Variants in CLPB observed in about 807,000 individuals in gnomAD.
CLPB encodes the protein ClpB family mitochondrial disaggregase.
In CLPB, 40 loss-of-function variants were observed where a neutral mutation model predicts 78.4. The observed-to-expected ratio is 0.51, with a 90% CI of 0.40 to 0.66. CLPB has a LOEUF of 0.66. Among genes scored for constraint, CLPB ranks in the 30% least tolerant of loss-of-function variants. The pLI, the probability that CLPB is intolerant of heterozygous loss-of-function variation, is 0.00. For synonymous variants in CLPB, 333 were observed against 348.0 expected (o/e 0.96, Z 0.48); for missense variants, 780 against 886.9 (o/e 0.88, Z 1.53).
At chr11:72,323,781 T>C (rs937216933) in intron 6 of CLPB, among the ~76,000 whole-genome samples, 1 of 152,126 alleles carries the variant, frequency 6.6e-6, no homozygotes, top group African/African-American at 2.4e-5. Flanking sequence ...ACTTGTGAGA[T>C]AGGAATAACA....
chr11:72,434,117 C>A lies in CLPB; in HGVS notation c.358G>T (p.Ala120Ser), dbSNP rs1278109918. 1.2e-6 allele frequency: 2 copies of A among 1,611,880 alleles called. No homozygotes were observed. Among genetic ancestry groups the A allele is most frequent in the Admixed American group, 1.7e-5 (1 of 60,022 alleles). The change falls in exon 1 of 16, where the codon GCA becomes TCA. Residue 120 changes from alanine to serine, a missense_variant. Coordinates refer to ENST00000538039, the MANE Select transcript of CLPB (RefSeq NM_001258392.3). ...RAGLGMCALA[A>S]ALVVHCYSKS... ...CTGTAGCAATGAACCACCAGCGCTGCGGCCAGGGCGCACATGCCCAGTCCG... is the reference window on the plus strand; with the variant it reads ...CTGTAGCAATGAACCACCAGCGCTGAGGCCAGGGCGCACATGCCCAGTCCG...
At chr11:72,298,825 G>A (rs1225971399) in intron 11 of CLPB, among the ~76,000 whole-genome samples, 1 of 152,166 alleles carries the variant, frequency 6.6e-6, no homozygotes, top group Admixed American at 6.5e-5. Flanking sequence ...TCTCTGGCGA[G>A]TCTGTCTTGA....
At chr11:72,427,338 G>A (rs75595830) in intron 2 of CLPB, among the ~76,000 whole-genome samples, 15,302 of 152,132 alleles carry the variant, frequency 0.1, 1,337 homozygotes, top group African/African-American at 0.23. Context: ...GGTAAAGCAC[G>A]ACATTATTTA....
chr11:72,304,023 G>T (rs1304311861), intron 9 of CLPB: 2 of 152,216 alleles, frequency 1.3e-5, no homozygotes, highest in African/African-American at 2.4e-5. Context: ...TGAGCTTTGT[G>T]TCCAGATGCC....
chr11:72,378,104 T>C (rs1246061742), intron 4 of CLPB, among the ~76,000 whole-genome samples: 1 of 152,162 alleles, frequency 6.6e-6, no homozygotes, highest in African/African-American at 2.4e-5. Context: ...CAGCAGAAGT[T>C]GGACTAGATG....
At chr11:72,345,060 C>T (rs1397258555) in intron 5 of CLPB, among the ~76,000 whole-genome samples, 1 of 152,170 alleles carries the variant, frequency 6.6e-6, no homozygotes, top group Non-Finnish European at 1.5e-5. Context: ...AGGAAACAGA[C>T]CCTCTCATAC....
intron 2 of CLPB, among the ~76,000 whole-genome samples, chr11:72,419,965 T>C (rs1856143961): frequency 6.6e-6 from 1 of 152,248 alleles, no homozygotes. Flanking sequence ...GAATAAACGA[T>C]TGAACTACTT....
At chr11:72,425,490 G>C (rs541337227) in intron 2 of CLPB, among the ~76,000 whole-genome samples, 15 of 152,228 alleles carry the variant, frequency 9.9e-5, no homozygotes, top group Admixed American at 2.6e-4. Flanking sequence ...CTCAATGTTT[G>C]ACTCATGTCC....
At chr11:72,387,522 C>T (rs1210840000) in intron 3 of CLPB, among the ~76,000 whole-genome samples, 1 of 151,648 alleles carries the variant, frequency 6.6e-6, no homozygotes, top group African/African-American at 2.4e-5. Flanking sequence ...CAAATCAAAG[C>T]TCTATCATTT....
intron 3 of CLPB, among the ~76,000 whole-genome samples, chr11:72,397,295 T>C (rs1386611412): frequency 2.0e-5 from 3 of 152,232 alleles, no homozygotes. Context: ...TTGCATTATA[T>C]CCAGTTTTTG....
intron 5 of CLPB, among the ~76,000 whole-genome samples, chr11:72,357,455 G>C (rs1466057005): frequency 1.3e-5 from 2 of 152,116 alleles, no homozygotes; most frequent in African/African-American, 4.8e-5. Context: ...CCAGCACTTA[G>C]GGAGGCTGAG....
chr11:72,408,532 T>C lies in CLPB; in HGVS notation c.456-5480A>G, dbSNP rs547997232. ...AATACAAAAAATTAGCCGGGTGTGGTGGCACACACCTGTAATCCCAGCTAC... is the reference window on the plus strand; with the variant it reads ...AATACAAAAAATTAGCCGGGTGTGGCGGCACACACCTGTAATCCCAGCTAC... On this transcript the variant is annotated intron_variant, in intron 2 of 15. Transcript: ENST00000538039. Among the ~76,000 whole-genome samples, 10 of 151,620 alleles carry C rather than the reference T, an allele frequency of 6.6e-5. No homozygotes were observed. In the South Asian group the frequency reaches 2.1e-3, roughly 32 times the overall value.
chr11:72,354,633 T>A, intron 5 of CLPB: 1 of 323,810 alleles, frequency 3.1e-6, no homozygotes, highest in Non-Finnish European at 5.6e-6. Context: ...TGCATTCAAG[T>A]GCTGAAGCAG....
chr11:72,333,123 T>C (rs1438779524), intron 5 of CLPB, among the ~76,000 whole-genome samples: 1 of 152,246 alleles, frequency 6.6e-6, no homozygotes, highest in Non-Finnish European at 1.5e-5. Flanking sequence ...AAGCTAGCTT[T>C]ATTTGCTTGA....
rs1443727461 is a variant in CLPB at position 72,312,783 on chromosome 11, C to T, written c.989-4179G>A. ...AAAAGCTCTGTGCTAGGTGCGGCGG[C>T]TCTCACAAAGAGGCCTCAAAAAAGG... On this transcript the variant is annotated intron_variant, in intron 7 of 15. Transcript: ENST00000538039. The surrounding 1 kb of genome is among the most constrained non-coding windows in gnomAD (Gnocchi z 4.2). Among the ~76,000 whole-genome samples the T allele has an allele frequency of 6.6e-6, 1 of 152,154 alleles. No homozygotes were observed. The highest frequency in any genetic ancestry group is 1.5e-5 in the Non-Finnish European group (1 of 68,044).
At chr11:72,389,034 G>T (rs1373164618) in intron 3 of CLPB, among the ~76,000 whole-genome samples, 1 of 152,196 alleles carries the variant, frequency 6.6e-6, no homozygotes, top group Non-Finnish European at 1.5e-5. Context: ...GAACTAGAGG[G>T]TGAGGTAGAA....
At chr11:72,361,777 A>G (rs1358494851) in intron 4 of CLPB, among the ~76,000 whole-genome samples, 1 of 152,246 alleles carries the variant, frequency 6.6e-6, no homozygotes, top group African/African-American at 2.4e-5. Flanking sequence ...TTTAATGAGC[A>G]CCAATGCATG....
chr11:72,315,741 T>C (rs995255382), intron 7 of CLPB, among the ~76,000 whole-genome samples: 6 of 152,226 alleles, frequency 3.9e-5, no homozygotes, highest in Admixed American at 2.0e-4. Context: ...ATCCTCATGG[T>C]ACCCATGGGG....
At chr11:72,308,049 C>T (rs563027691) in intron 8 of CLPB, among the ~76,000 whole-genome samples, 1 of 152,198 alleles carries the variant, frequency 6.6e-6, no homozygotes, top group Non-Finnish European at 1.5e-5. Flanking sequence ...CTCGGATAAT[C>T]CAGCCCAACT....
Sources: gnomAD v4.1 joint callset for allele counts (sites outside exome capture counted in the v4.1 genomes callset) on GRCh38, gnomAD v4.1.1 for gene constraint, Gnocchi (gnomAD v3.1) non-coding constraint, MANE v1.5 for transcripts, NCBI Gene and HGNC (gene_info 2026-07-23, HGNC 2026-07-21) for gene names.